TBC1D5: variants seen among roughly 807,000 people sequenced by gnomAD.
TBC1D5 encodes TBC1 domain family member 5.
Under a neutral mutation model 100.3 loss-of-function variants are expected in TBC1D5, and 75 were observed. That is an observed-to-expected ratio of 0.75 (90% CI 0.62 to 0.91). The LOEUF is 0.91. Ranked by LOEUF, TBC1D5 falls within the 40% of genes least tolerant of loss-of-function variation. The pLI is 0.00. For missense variants in TBC1D5, 910 were observed against 942.4 expected (o/e 0.97, Z 0.45); for synonymous variants, 323 against 325.6 (o/e 0.99, Z 0.09).
intron 15 of TBC1D5, among the ~76,000 whole-genome samples, chr3:17,268,211 A>G (rs1316820535): frequency 6.6e-6 from 1 of 152,144 alleles, no homozygotes; most frequent in Non-Finnish European, 1.5e-5. Flanking sequence ...ATTTCTCTAA[A>G]TAGCAGATAG....
Position 17,630,332 on chromosome 3 carries a change from G to A in TBC1D5, c.-100-6419C>T, listed in dbSNP as rs150843212. On this transcript the variant is annotated intron_variant, in intron 1 of 21. Coordinates refer to ENST00000253692, the Ensembl canonical transcript of TBC1D5. ...GAGCAAGTCTATCATATATATGTGC[G>A]ATACAATATTTTTTCCAACAGTATG... Among the ~76,000 whole-genome samples, 23 of 152,214 alleles carry A rather than the reference G, an allele frequency of 1.5e-4. No individual in the cohort carries two copies. The East Asian group carries it at 3.1e-3, about 20-fold the overall frequency.
chr3:17,631,525 A>G (rs73028338), intron 1 of TBC1D5, among the ~76,000 whole-genome samples: 11,596 of 152,312 alleles, frequency 0.076, 613 homozygotes, highest in Non-Finnish European at 0.12. Flanking sequence ...TCTTCTTTCA[A>G]TGTATTAGAA....
chr3:17,247,080 T>C (rs1466206881), intron 16 of TBC1D5, among the ~76,000 whole-genome samples: 1 of 152,178 alleles, frequency 6.6e-6, no homozygotes, highest in Non-Finnish European at 1.5e-5. Context: ...AATTGGAGAC[T>C]GGGTAGGTAA....
At chr3:17,190,019 A>G (rs1459817041) in intron 18 of TBC1D5, among the ~76,000 whole-genome samples, 1 of 152,254 alleles carries the variant, frequency 6.6e-6, no homozygotes, top group Non-Finnish European at 1.5e-5. Flanking sequence ...TAGTTGATGC[A>G]TCATTAGACT....
At chr3:17,400,500 C>T (rs887071194) in intron 8 of TBC1D5, among the ~76,000 whole-genome samples, 8 of 152,030 alleles carry the variant, frequency 5.3e-5, no homozygotes, top group African/African-American at 1.7e-4. Flanking sequence ...GAGACTTAAT[C>T]TAAATGTGGA....
At chr3:17,450,327 C>T (rs960821796) in intron 3 of TBC1D5, among the ~76,000 whole-genome samples, 1 of 152,150 alleles carries the variant, frequency 6.6e-6, no homozygotes, top group African/African-American at 2.4e-5. Flanking sequence ...TACCTCTTCT[C>T]CTCCAAAGGA....
At chr3:17,578,248 A>G (rs1220163773) in intron 2 of TBC1D5, among the ~76,000 whole-genome samples, 1 of 152,010 alleles carries the variant, frequency 6.6e-6, no homozygotes, top group Admixed American at 6.6e-5. Flanking sequence ...CATGGGGATT[A>G]ATTGCTTCAG....
At chr3:17,541,836 G>C (rs115992797) in intron 2 of TBC1D5, among the ~76,000 whole-genome samples, 2 of 152,274 alleles carry the variant, frequency 1.3e-5, no homozygotes, top group African/African-American at 4.8e-5. Flanking sequence ...ACATATAGTA[G>C]TCCTCTCACA....
intron 1 of TBC1D5, among the ~76,000 whole-genome samples, chr3:17,680,987 C>A (rs1488303442): frequency 6.6e-6 from 1 of 151,440 alleles, no homozygotes; most frequent in East Asian, 1.9e-4. Flanking sequence ...AGTGCAGGGA[C>A]CCAAACTACT....
chr3:17,315,353 G>T (rs2084556449), intron 13 of TBC1D5, among the ~76,000 whole-genome samples: 1 of 152,216 alleles, frequency 6.6e-6, no homozygotes, highest in Non-Finnish European at 1.5e-5. Flanking sequence ...GAGGGTGACA[G>T]AAGTGAGATA....
intron 3 of TBC1D5, among the ~76,000 whole-genome samples, chr3:17,450,320 C>T (rs1171112818): frequency 6.6e-6 from 1 of 152,096 alleles, no homozygotes; most frequent in Non-Finnish European, 1.5e-5. Context: ...ACCAGAATAC[C>T]TCTTCTCCTC....
chr3:17,167,256 A>C (rs1414502810), intron 20 of TBC1D5, among the ~76,000 whole-genome samples: 2 of 152,204 alleles, frequency 1.3e-5, no homozygotes, highest in Non-Finnish European at 2.9e-5. Flanking sequence ...CTTGGTCACT[A>C]AAGTGGCTCC....
At position 17,675,691 on chromosome 3, in the gene TBC1D5, A is replaced by G. The variant is rs367839086; in HGVS notation, c.-100-51778T>C. 2.8e-4 allele frequency among the ~76,000 whole-genome samples: 43 copies of G among 152,334 alleles called. No homozygotes were observed. The East Asian group carries it at 4.8e-3, about 17-fold the overall frequency. ...ATGATGATCAAAGGAAAACTTCCAA[A>G]AAGAGACAACAGGTAATTATGATGG... On this transcript the variant is annotated intron_variant, in intron 1 of 21. Transcript: ENST00000253692.
chr3:17,295,771 T>G (rs1194277375), intron 14 of TBC1D5, among the ~76,000 whole-genome samples: 3 of 152,182 alleles, frequency 2.0e-5, no homozygotes, highest in Admixed American at 6.5e-5. Flanking sequence ...TATACAGACT[T>G]TCTTTAATTT....
intron 13 of TBC1D5, among the ~76,000 whole-genome samples, chr3:17,344,026 C>A (rs540397625): frequency 2.0e-5 from 3 of 152,130 alleles, no homozygotes; most frequent in African/African-American, 4.8e-5. Flanking sequence ...AATGTTTGCT[C>A]TTGCTTTTCT....
At chr3:17,683,240 C>T (rs1029495478) in intron 1 of TBC1D5, among the ~76,000 whole-genome samples, 1 of 151,354 alleles carries the variant, frequency 6.6e-6, no homozygotes, top group African/African-American at 2.5e-5. Flanking sequence ...AGCACTTAAT[C>T]ATTCTTTTAA....
intron 19 of TBC1D5, among the ~76,000 whole-genome samples, chr3:17,181,123 C>A (rs1176929053): frequency 6.6e-6 from 1 of 152,094 alleles, no homozygotes; most frequent in Non-Finnish European, 1.5e-5. Context: ...TCACTAAGTG[C>A]CCCAGAGGCA....
chr3:17,339,312 A>G lies in TBC1D5; in HGVS notation c.996-31178T>C, dbSNP rs1210599168. The stretch of plus-strand genomic sequence containing the variant: ...AGCATCTACTTATGTTTGTCAGAAC[A>G]GTGCATCCGTGACAAGTTGAAGTTC... On this transcript the variant is annotated intron_variant, in intron 13 of 21. Coordinates refer to ENST00000253692, the Ensembl canonical transcript of TBC1D5. Among the ~76,000 whole-genome samples, 3 of 152,224 alleles carry G rather than the reference A, an allele frequency of 2.0e-5. No individual in the cohort carries two copies. In the East Asian group the frequency reaches 5.8e-4, roughly 29 times the overall value.
intron 19 of TBC1D5, among the ~76,000 whole-genome samples, chr3:17,178,417 A>T (rs963223786): frequency 2.6e-5 from 4 of 152,086 alleles, no homozygotes; most frequent in Non-Finnish European, 5.9e-5. Context: ...TCATCTGTTG[A>T]TGGACACTTA....
Sources: allele counts gnomAD v4.1 joint callset (sites outside exome capture counted in the v4.1 genomes callset), GRCh38; gene constraint gnomAD v4.1.1; transcripts MANE v1.5; gene names NCBI Gene and HGNC (gene_info 2026-07-23, HGNC 2026-07-21).